DYNC2H1: variants seen among roughly 807,000 people sequenced by gnomAD.
DYNC2H1 encodes the protein dynein cytoplasmic 2 heavy chain 1, also known as cytoplasmic dynein 2 heavy chain 1.
DYNC2H1 carries 410 observed loss-of-function variants against 570.0 expected under a neutral mutation model. The observed-to-expected ratio is 0.72, with a 90% CI of 0.66 to 0.78. DYNC2H1 has a LOEUF of 0.78. Among genes scored for constraint, DYNC2H1 ranks in the 30% least tolerant of loss-of-function variants. The probability of loss-of-function intolerance (pLI) is 0.00; values close to 1 mark genes in which losing one functional copy is unlikely to be tolerated. For missense variants in DYNC2H1, 4,865 were observed against 5,046.4 expected, an observed-to-expected ratio of 0.96 and a Z score of 1.09; for synonymous variants, 1,688 against 1,677.6, an observed-to-expected ratio of 1.01 and a Z score of -0.15.
chr11:103,459,958 C>CAAAAAAA (rs376050088), intron 87 of DYNC2H1, among the ~76,000 whole-genome samples: 18 of 70,850 alleles, frequency 2.5e-4, no homozygotes, highest in South Asian at 1.0e-3. Flanking sequence ...GACTCCGTCT[C>CAAAAAAA]AAAAAAAAAA....
chr11:103,436,422 A>G (rs1232597364), intron 85 of DYNC2H1, among the ~76,000 whole-genome samples: 2 of 152,052 alleles, frequency 1.3e-5, no homozygotes, highest in East Asian at 3.9e-4. Flanking sequence ...TAAACCAGTC[A>G]GGTAACTTCA....
At chr11:103,443,520 ATAAT>A (rs2050966372) in intron 85 of DYNC2H1, among the ~76,000 whole-genome samples, 1 of 151,958 alleles carries the variant, frequency 6.6e-6, no homozygotes, top group Non-Finnish European at 1.5e-5. Flanking sequence ...TACAATAAAA[ATAAT>A]TTAAGAAAAT....
At chr11:103,223,172 C>T in intron 59 of DYNC2H1, 86 bp downstream of exon 59, 2 of 1,299,310 alleles carry the variant, frequency 1.5e-6, no homozygotes, top group Non-Finnish European at 2.0e-6. Context: ...TTTATTTTTT[C>T]TCTATTTGTA....
rs145965133 is a variant in DYNC2H1, at chr11:103,376,104, G to A, written c.12156+17745G>A. On this transcript the variant is annotated intron_variant, in intron 83 of 88. Coordinates refer to ENST00000375735, the MANE Select transcript of DYNC2H1 (RefSeq NM_001377.3). ...CATATGATCTGATGGTTTTATAAGC[G>A]TCTGGCATTTCCCCTGCTGGCACTC... 4.0e-3 allele frequency among the ~76,000 whole-genome samples: 604 copies of A among 152,242 alleles called. 5 individuals are homozygous for A. The highest frequency in any genetic ancestry group is 0.014 in the African/African-American group (575 of 41,548).
rs1858178023 is a variant in DYNC2H1 at position 103,112,819 on chromosome 11, A to C, written c.196-718A>C. The stretch of plus-strand genomic sequence containing the variant: ...ACTGAGAATGTGTGTATAATGCAAA[A>C]ACTTCCTTTGACTAGTATAGTTCTC... On this transcript the variant is annotated intron_variant, in intron 1 of 88. Transcript: ENST00000375735. Among the ~76,000 whole-genome samples, 3 of 152,188 alleles carry C rather than the reference A, an allele frequency of 2.0e-5. 1 individual carries two copies. In the South Asian group the frequency reaches 6.2e-4, roughly 32 times the overall value.
In DYNC2H1 at chr11:103,177,047, G is replaced by C. The variant is rs942581303; in HGVS notation, c.5875-509G>C. ...GCTCACCATTTCATTTCTATTGCCT[G>C]TTATAGTACCTAATGTGTAATGGAT... is the stretch of plus-strand genomic sequence containing the variant. On this transcript the variant is annotated intron_variant, in intron 37 of 88. Coordinates refer to ENST00000375735, the MANE Select transcript of DYNC2H1 (RefSeq NM_001377.3). The surrounding 1 kb of genome is among the most constrained non-coding windows in gnomAD (Gnocchi z 4.4). Among the ~76,000 whole-genome samples the C allele has an allele frequency of 1.4e-4, 22 of 151,954 alleles. No individual in the cohort carries two copies. The highest frequency in any genetic ancestry group is 3.2e-4 in the Non-Finnish European group (22 of 68,004).
intron 70 of DYNC2H1, among the ~76,000 whole-genome samples, chr11:103,279,020 A>G (rs957260235): frequency 2.0e-5 from 3 of 152,206 alleles, no homozygotes; most frequent in African/African-American, 7.2e-5. Flanking sequence ...GATTAAAAAC[A>G]TTCTTCCCAT....
intron 39 of DYNC2H1, among the ~76,000 whole-genome samples, chr11:103,179,860 A>C (rs1464493219): frequency 6.6e-6 from 1 of 151,688 alleles, no homozygotes; most frequent in Non-Finnish European, 1.5e-5. Flanking sequence ...TTATTTTTGA[A>C]AATCAGTAAT....
chr11:103,269,155 A>G (rs1408503619), intron 70 of DYNC2H1, among the ~76,000 whole-genome samples: 1 of 152,190 alleles, frequency 6.6e-6, no homozygotes, highest in African/African-American at 2.4e-5. Flanking sequence ...TATTGTGAAC[A>G]TGTGAAAATC....
At chr11:103,468,800 T>C in intron 88 of DYNC2H1, 95 bp downstream of exon 88, 1 of 1,006,256 alleles carries the variant, frequency 9.9e-7, no homozygotes, top group Non-Finnish European at 1.4e-6. Flanking sequence ...TGTATTTTTG[T>C]TTGCTTTCTA....
intron 75 of DYNC2H1, among the ~76,000 whole-genome samples, chr11:103,302,152 G>A (rs1309280486): frequency 6.6e-6 from 1 of 152,016 alleles, no homozygotes; most frequent in African/African-American, 2.4e-5. Flanking sequence ...GGGCTACAGA[G>A]CAGAAAAATC....
At chr11:103,179,295 A>G (rs750355333) in intron 39 of DYNC2H1, 62 bp downstream of exon 39, 209 of 1,471,750 alleles carry the variant, frequency 1.4e-4, no homozygotes, top group Non-Finnish European at 1.9e-4. Context: ...CTGGTTTCAT[A>G]TTAAGTAAAA....
rs1165154036 is a variant in DYNC2H1 at position 103,200,069 on chromosome 11, A to C, written c.8112A>C (p.Glu2704Asp). The C allele has an allele frequency of 1.3e-6, 2 of 1,587,124 alleles. No individual in the cohort carries two copies. The highest frequency in any genetic ancestry group is 2.7e-5 in the African/African-American group (2 of 74,442). ...AGGTGCTGCAACTTGCAGGAATTGAAGCACAACAGGTAGTTTTACTTCTTG... is the reference window on the plus strand; with the variant it reads ...AGGTGCTGCAACTTGCAGGAATTGACGCACAACAGGTAGTTTTACTTCTTG... The part of the protein sequence containing the change: ...LKHVLQLAGI[E>D]AQQVVLLLED... The change falls in exon 50 of 89, where the codon GAA becomes GAC. Residue 2704 changes from glutamate (E) to aspartate (D), a missense_variant. By Grantham distance (45) the Glu-to-Asp change is conservative (BLOSUM62 2). Transcript: ENST00000375735.
rs780098977 is a variant in DYNC2H1 at position 103,179,012 on chromosome 11, T to C, written c.6140-14T>C. 4 of 1,598,602 alleles carry C rather than the reference T, an allele frequency of 2.5e-6. No individual in the cohort carries two copies. The African/African-American group carries it at 5.4e-5, about 21-fold the overall frequency. On this transcript the variant is annotated splice_polypyrimidine_tract_variant and intron_variant, in intron 38 of 88. Transcript: ENST00000375735. ...TATTTTTATTTTGTCTCCACTGTTT[T>C]GATTTGAAAATAGATGTCAGCTCAT...
chr11:103,281,305 T>C (rs1489186243), intron 71 of DYNC2H1, among the ~76,000 whole-genome samples: 1 of 152,226 alleles, frequency 6.6e-6, no homozygotes, highest in East Asian at 1.9e-4. Context: ...CTTTGATTTC[T>C]TTTCCTCCTC....
At position 103,120,625 on chromosome 11, in the gene DYNC2H1, G is replaced by A. The variant is rs775861189; in HGVS notation, c.1134+44G>A. 27 of 1,594,072 alleles carry A rather than the reference G, an allele frequency of 1.7e-5. No homozygotes were observed. In the South Asian group the frequency reaches 2.9e-4, roughly 17 times the overall value. On this transcript the variant is annotated intron_variant, in intron 7 of 88. Coordinates refer to ENST00000375735, the MANE Select transcript of DYNC2H1 (RefSeq NM_001377.3). ...TATGTCTGTACAGTTTCCTGTTTATGTTGTTCTTTTTAAAGACAGATTTAA... is the reference window on the plus strand; with the variant it reads ...TATGTCTGTACAGTTTCCTGTTTATATTGTTCTTTTTAAAGACAGATTTAA...
In DYNC2H1 at chr11:103,280,271, T is replaced by C; in HGVS notation, c.10696-77T>C. ...TGAAGACAGAATAGAGATTTTTGTG[T>C]GCCAAATTTTAACGACTATGCTTTT... On this transcript the variant is annotated intron_variant, in intron 70 of 88. Transcript: ENST00000375735. The surrounding 1 kb of genome is among the most constrained non-coding windows in gnomAD (Gnocchi z 4.7). 1.4e-6 allele frequency: 2 copies of C among 1,416,188 alleles called. No individual in the cohort carries two copies. Among genetic ancestry groups the C allele is most frequent in the East Asian group, 2.5e-5 (1 of 40,038 alleles). 87.7% of individuals were successfully genotyped at this position (1,416,188 alleles called of 1,614,324 possible).
At chr11:103,236,376 C>G in intron 62 of DYNC2H1, 54 bp from the exon 63 acceptor site, 1 of 1,067,610 alleles carries the variant, frequency 9.4e-7, no homozygotes, top group South Asian at 1.3e-5. Context: ...ATTTCCTTCC[C>G]TTCATCAAGT....
At chr11:103,286,148 A>G in intron 73 of DYNC2H1, 107 bp from the exon 74 acceptor site, 1 of 1,423,702 alleles carries the variant, frequency 7.0e-7, no homozygotes, top group Non-Finnish European at 9.6e-7. Flanking sequence ...TAGAAGAGTA[A>G]TAAACATCAA....
Sources: gnomAD v4.1 joint callset for allele counts (sites outside exome capture counted in the v4.1 genomes callset) on GRCh38, gnomAD v4.1.1 for gene constraint, Gnocchi (gnomAD v3.1) non-coding constraint, MANE v1.5 for transcripts, NCBI Gene and HGNC (gene_info 2026-07-23, HGNC 2026-07-21) for gene names.